Variants in PLXDC2 observed in about 807,000 individuals in gnomAD.
The protein encoded by PLXDC2 is plexin domain containing 2, also known as plexin domain-containing protein 2.
PLXDC2 carries 40 observed loss-of-function variants against 68.9 expected under a neutral mutation model. The observed-to-expected ratio is 0.58, with a 90% CI of 0.45 to 0.76. The LOEUF is 0.76. Ranked by LOEUF, PLXDC2 falls within the 30% of genes least tolerant of loss-of-function variation. PLXDC2 has a pLI of 0.00. For synonymous variants in PLXDC2, 243 were observed against 234.2 expected (o/e 1.04, Z -0.34); for missense variants, 644 against 661.9 (o/e 0.97, Z 0.30).
At chr10:20,249,424 G>C (rs1452333060) in intron 13 of PLXDC2, among the ~76,000 whole-genome samples, 1 of 152,162 alleles carries the variant, frequency 6.6e-6, no homozygotes, top group Non-Finnish European at 1.5e-5. Flanking sequence ...TCAGGATATG[G>C]ACAGGGCTGG....
rs771326272 is a variant in PLXDC2 at position 20,177,417 on chromosome 10, TATA to T, written c.1061+16_1061+18del. On this transcript the variant is annotated intron_variant, in intron 9 of 13. Transcript: ENST00000377252. ...GTGTAGTAAACTTCAAAGGTAAAAA[TATA>T]ATAATAAGAATAATAATAAAATTTA... The T allele has an allele frequency of 7.3e-7, 1 of 1,372,784 alleles. No individual in the cohort carries two copies. Among genetic ancestry groups the T allele is most frequent in the Non-Finnish European group, 9.9e-7 (1 of 1,008,162 alleles). The allele number at this position is 1,372,784 out of a possible 1,614,324, so 85.0% of individuals were successfully genotyped here.
intron 6 of PLXDC2, among the ~76,000 whole-genome samples, chr10:20,157,494 A>G (rs1196750835): frequency 6.6e-6 from 1 of 152,236 alleles, no homozygotes; most frequent in Non-Finnish European, 1.5e-5. Flanking sequence ...AAATTCCATT[A>G]ACTATTACTT....
intron 4 of PLXDC2, among the ~76,000 whole-genome samples, chr10:20,124,450 G>A (rs1488492206): frequency 1.3e-5 from 2 of 152,216 alleles, no homozygotes; most frequent in South Asian, 2.1e-4. Context: ...GTCGTAGGTG[G>A]ATCTTTCTCA....
At chr10:20,068,667 A>G (rs1373778009) in intron 4 of PLXDC2, among the ~76,000 whole-genome samples, 1 of 149,514 alleles carries the variant, frequency 6.7e-6, no homozygotes, top group East Asian at 1.9e-4. Flanking sequence ...ACATATATAT[A>G]TACACAAAAA....
At chr10:20,255,191 G>GGATGGATAGATAGATA (rs1491435152) in intron 13 of PLXDC2, among the ~76,000 whole-genome samples, 1 of 96,732 alleles carries the variant, frequency 1.0e-5, no homozygotes, top group East Asian at 2.6e-4. Flanking sequence ...ATAGGTGGAT[G>GGATGGATAGATAGATA]GATAGATAGA....
chr10:20,143,530 T>A, intron 5 of PLXDC2, 113 bp downstream of exon 5: 3 of 1,332,400 alleles, frequency 2.3e-6, no homozygotes, highest in Non-Finnish European at 2.1e-6. Flanking sequence ...AACTGCTTGA[T>A]GCAAATGGTC....
chr10:20,132,597 C>T lies in PLXDC2; in HGVS notation c.542-10698C>T, dbSNP rs191814392. Among the ~76,000 whole-genome samples the T allele has an allele frequency of 3.3e-5, 5 of 152,062 alleles. No homozygotes were observed. The East Asian group carries it at 9.7e-4, about 29-fold the overall frequency. ...TGAATTGATATCTTTATCATTGTCT[C>T]TTGTGGCAGTTTTTGATTTAACATC... On this transcript the variant is annotated intron_variant, in intron 4 of 13. Coordinates refer to ENST00000377252, the MANE Select transcript of PLXDC2 (RefSeq NM_032812.9).
At chr10:20,263,629 A>C (rs1240833129) in intron 13 of PLXDC2, among the ~76,000 whole-genome samples, 1 of 140,646 alleles carries the variant, frequency 7.1e-6, no homozygotes. Flanking sequence ...TACAAGAGAA[A>C]AACAAACAAC....
rs1348433756 is a variant in PLXDC2 at position 19,978,972 on chromosome 10, T to A, written c.113-22803T>A. On this transcript the variant is annotated intron_variant, in intron 1 of 13. Coordinates refer to ENST00000377252, the MANE Select transcript of PLXDC2 (RefSeq NM_032812.9). ...ACTATTATTACCTACAAGTATTTTC[T>A]TATATGTATGCATGTATATATAAAG... is the stretch of plus-strand genomic sequence containing the variant. 4.6e-5 allele frequency among the ~76,000 whole-genome samples: 7 copies of A among 152,240 alleles called. No homozygotes were observed. The East Asian group carries it at 1.3e-3, about 29-fold the overall frequency.
intron 1 of PLXDC2, among the ~76,000 whole-genome samples, chr10:19,863,090 C>T (rs1837345433): frequency 6.6e-6 from 1 of 152,150 alleles, no homozygotes; most frequent in East Asian, 1.9e-4. Flanking sequence ...TTAATCTTTA[C>T]CATGTAAAAT....
intron 6 of PLXDC2, among the ~76,000 whole-genome samples, chr10:20,153,391 G>A (rs546467676): frequency 2.0e-5 from 3 of 152,328 alleles, no homozygotes; most frequent in Admixed American, 1.3e-4. Flanking sequence ...GATGGGAAAA[G>A]TGTTGTTGGG....
intron 1 of PLXDC2, among the ~76,000 whole-genome samples, chr10:19,920,918 A>T (rs1833452387): frequency 6.6e-6 from 1 of 151,494 alleles, no homozygotes; most frequent in Non-Finnish European, 1.5e-5. Context: ...TATTATTTTT[A>T]TTACTTTATT....
At chr10:19,944,823 G>A (rs1833875093) in intron 1 of PLXDC2, among the ~76,000 whole-genome samples, 2 of 152,086 alleles carry the variant, frequency 1.3e-5, no homozygotes, top group African/African-American at 2.4e-5. Flanking sequence ...GTGGTGGTGG[G>A]CACCTGTAAT....
chr10:20,074,426 CA>C (rs1235910280), intron 4 of PLXDC2, among the ~76,000 whole-genome samples: 5 of 149,918 alleles, frequency 3.3e-5, no homozygotes, highest in South Asian at 2.1e-4. Flanking sequence ...GTTTCCCTCC[CA>C]AAAAAAAATA....
At chr10:19,823,099 G>A (rs1050946402) in intron 1 of PLXDC2, among the ~76,000 whole-genome samples, 1 of 151,864 alleles carries the variant, frequency 6.6e-6, no homozygotes. Context: ...GTATTTTTTA[G>A]TAGAGACGGG....
At chr10:20,147,992 C>G (rs916429435) in intron 6 of PLXDC2, 90 bp downstream of exon 6, 2 of 873,604 alleles carry the variant, frequency 2.3e-6, no homozygotes, top group African/African-American at 1.7e-5. Flanking sequence ...ATTTTACAGC[C>G]ATGATCCTCA....
At chr10:20,215,309 G>A (rs916201764) in intron 10 of PLXDC2, among the ~76,000 whole-genome samples, 1 of 152,064 alleles carries the variant, frequency 6.6e-6, no homozygotes, top group African/African-American at 2.4e-5. Flanking sequence ...ATTGGTACGA[G>A]AAATTTCAAC....
chr10:20,082,059 AAAAT>A (rs1836571545), intron 4 of PLXDC2, among the ~76,000 whole-genome samples: 1 of 135,140 alleles, frequency 7.4e-6, no homozygotes, highest in African/African-American at 2.7e-5. Flanking sequence ...AAAAAAAAAA[AAAAT>A]CAAAAAAAAA....
intron 7 of PLXDC2, among the ~76,000 whole-genome samples, chr10:20,176,086 A>G (rs1168361032): frequency 1.3e-5 from 2 of 152,160 alleles, no homozygotes; most frequent in African/African-American, 4.8e-5. Flanking sequence ...AGTTCTTGTC[A>G]AAGTCTCCAT....
Sources: allele counts gnomAD v4.1 joint callset (sites outside exome capture counted in the v4.1 genomes callset), GRCh38; gene constraint gnomAD v4.1.1; transcripts MANE v1.5; gene names NCBI Gene and HGNC (gene_info 2026-07-23, HGNC 2026-07-21).